Variants in COL14A1 observed in about 807,000 individuals in gnomAD.
COL14A1 encodes the protein collagen type XIV alpha 1 chain.
Under a neutral mutation model 230.3 loss-of-function variants are expected in COL14A1, and 136 were observed. The ratio of observed to expected loss-of-function variants is 0.59; its 90% CI spans 0.51 to 0.68. The LOEUF (loss-of-function observed/expected upper bound fraction) is 0.68, where lower values mean the gene tolerates loss of function less well. Among genes scored for constraint, COL14A1 ranks in the 30% least tolerant of loss-of-function variants. COL14A1 has a pLI of 0.00. For missense variants in COL14A1, 1,976 were observed against 2,215.8 expected (o/e 0.89, Z 2.17); for synonymous variants, 792 against 784.1 (o/e 1.01, Z -0.17).
At chr8:120,368,069 T>C (rs1049729720) in intron 46 of COL14A1, among the ~76,000 whole-genome samples, 1 of 152,130 alleles carries the variant, frequency 6.6e-6, no homozygotes, top group African/African-American at 2.4e-5. Flanking sequence ...AGACACAAAA[T>C]TTAGAGAAAT....
chr8:120,324,717 C>T lies in COL14A1; in HGVS notation c.4660-7424C>T, dbSNP rs571265327. On this transcript the variant is annotated intron_variant, in intron 40 of 47. Coordinates refer to ENST00000297848, the MANE Select transcript of COL14A1 (RefSeq NM_021110.4). The stretch of plus-strand genomic sequence containing the variant: ...CAGTTGAATAACCTTAACAATTGGC[C>T]GGAATCTTAAGGTTAGTATCATGAC... Among the ~76,000 whole-genome samples, 74 of 152,148 alleles carry T rather than the reference C, an allele frequency of 4.9e-4. 2 individuals carry two copies. The South Asian group carries it at 0.015, about 30-fold the overall frequency.
chr8:120,370,041 T>TATC (rs1823534876), intron 47 of COL14A1, among the ~76,000 whole-genome samples: 1 of 152,206 alleles, frequency 6.6e-6, no homozygotes, highest in Admixed American at 6.5e-5. Context: ...GTCCTTGTCT[T>TATC]ATCACTAGCT....
chr8:120,353,686 A>T (rs1210927351), intron 45 of COL14A1, among the ~76,000 whole-genome samples: 1 of 149,924 alleles, frequency 6.7e-6, no homozygotes, highest in Non-Finnish European at 1.5e-5. Flanking sequence ...CAAAACCACA[A>T]TGAGATACCA....
intron 5 of COL14A1, among the ~76,000 whole-genome samples, chr8:120,193,118 C>T (rs905466847): frequency 1.4e-4 from 21 of 152,276 alleles, no homozygotes; most frequent in Admixed American, 3.3e-4. Flanking sequence ...GGAGGATAGG[C>T]GCTCTGCTTT....
At chr8:120,279,908 C>T (rs112169464) in intron 28 of COL14A1, 27 bp from the exon 29 acceptor site, 32 of 1,607,314 alleles carry the variant, frequency 2.0e-5, no homozygotes, top group African/African-American at 1.6e-4. Context: ...TTAAAGTAAT[C>T]GGAAATCTGT....
At chr8:120,336,378 GA>G (rs1278552252) in intron 42 of COL14A1, among the ~76,000 whole-genome samples, 1 of 152,124 alleles carries the variant, frequency 6.6e-6, no homozygotes, top group African/African-American at 2.4e-5. Context: ...GGCAGTTGCA[GA>G]AAAACATAAG....
intron 40 of COL14A1, among the ~76,000 whole-genome samples, chr8:120,320,852 T>C (rs535643336): frequency 1.8e-4 from 27 of 152,318 alleles, no homozygotes; most frequent in African/African-American, 6.5e-4. Context: ...TCATTACTTA[T>C]TGAATATGTG....
intron 47 of COL14A1, chr8:120,370,220 C>T: frequency 9.3e-7 from 1 of 1,074,134 alleles, no homozygotes; most frequent in Non-Finnish European, 1.4e-6. Context: ...TTTTCTGCTT[C>T]AGTAGAAATT....
In COL14A1 at chr8:120,211,826, A is replaced by G. The variant is rs571764147; in HGVS notation, c.1468-622A>G. On this transcript the variant is annotated intron_variant, in intron 12 of 47. Transcript: ENST00000297848. ...TCACTCTACTGTCACACAACTGAGA[A>G]TGTTGGATAGTTTGAATCCAAGGGT... 6.6e-5 allele frequency among the ~76,000 whole-genome samples: 10 copies of G among 152,340 alleles called. No homozygotes were observed. The South Asian group carries it at 1.9e-3, about 28-fold the overall frequency.
chr8:120,166,900 G>GTGTGTA (rs1815902353), intron 4 of COL14A1, among the ~76,000 whole-genome samples: 2 of 149,644 alleles, frequency 1.3e-5, no homozygotes, highest in Non-Finnish European at 3.0e-5. Context: ...GTGTGTGTGT[G>GTGTGTA]TGTGTGTGTG....
chr8:120,217,687 T>C (rs888170891), intron 14 of COL14A1, among the ~76,000 whole-genome samples: 5 of 152,080 alleles, frequency 3.3e-5, no homozygotes, highest in African/African-American at 9.7e-5. Flanking sequence ...CTGAAGAGTC[T>C]GGTCATTTGG....
Position 120,227,352 on chromosome 8 carries a change from C to A in COL14A1, c.2137C>A (p.Leu713Ile). The change falls in exon 17 of 48, where the codon CTT (leucine) becomes ATT (isoleucine). Residue 713 changes from leucine (L) to isoleucine (I), a missense_variant and splice_region_variant. Around this residue, in one of 3 missense-constraint regions of COL14A1, gnomAD observed 1,791 missense variants for 2,019.5 expected, o/e 0.89. Coordinates refer to ENST00000297848, the MANE Select transcript of COL14A1 (RefSeq NM_021110.4). ...GGTGGTGACTGCTGTCGGGACCACACGTAAGTCTTGGTCTGGCCACAGTGC... is the reference window on the plus strand; with the variant it reads ...GGTGGTGACTGCTGTCGGGACCACAAGTAAGTCTTGGTCTGGCCACAGTGC... ...SEVVTAVGTT[L>I]DSFWTEPATT... 1 of 1,613,404 alleles carries A rather than the reference C, an allele frequency of 6.2e-7. No individual in the cohort carries two copies. The highest frequency in any genetic ancestry group is 2.2e-5 in the East Asian group (1 of 44,870).
chr8:120,337,164 G>T (rs1182389534), intron 42 of COL14A1, among the ~76,000 whole-genome samples: 1 of 152,184 alleles, frequency 6.6e-6, no homozygotes, highest in East Asian at 1.9e-4. Context: ...GCCAAGGCAG[G>T]TGAATCACCT....
chr8:120,296,931 A>G (rs1820547492), intron 34 of COL14A1, among the ~76,000 whole-genome samples: 1 of 152,038 alleles, frequency 6.6e-6, no homozygotes, highest in Non-Finnish European at 1.5e-5. Flanking sequence ...CTTCTAGGTC[A>G]GGACTATGAT....
chr8:120,289,630 C>G lies in COL14A1; in HGVS notation c.4100C>G (p.Thr1367Ser), dbSNP rs774098509. 2.8e-5 allele frequency: 45 copies of G among 1,613,790 alleles called. No homozygotes were observed. Among genetic ancestry groups the G allele is most frequent in the Non-Finnish European group, 3.5e-5 (41 of 1,179,918 alleles). Residue 1367 changes from threonine (T) to serine (S), a missense_variant, in exon 34 of 48, where the codon ACT (threonine) becomes AGT (serine). Around this residue, in one of 3 missense-constraint regions of COL14A1, gnomAD observed 1,791 missense variants for 2,019.5 expected, o/e 0.89. Coordinates refer to ENST00000297848, the MANE Select transcript of COL14A1 (RefSeq NM_021110.4). ...TAGCTACACATTGTTGTCAGTGAGA[C>G]TTTGGTCAAAGTGGTTATTGACTGC... ...FHKLHIVVSETLVKVVIDCKQ... is the reference protein window; with the variant it reads ...FHKLHIVVSESLVKVVIDCKQ...
At chr8:120,214,910 C>G (rs1032881667) in intron 13 of COL14A1, among the ~76,000 whole-genome samples, 1 of 152,080 alleles carries the variant, frequency 6.6e-6, no homozygotes, top group African/African-American at 2.4e-5. Flanking sequence ...ACTGGCTATG[C>G]GTATATCTAG....
At chr8:120,201,858 C>G (rs1255820783) in intron 8 of COL14A1, among the ~76,000 whole-genome samples, 1 of 152,120 alleles carries the variant, frequency 6.6e-6, no homozygotes, top group African/African-American at 2.4e-5. Context: ...CATTTCCTCT[C>G]TTTTCTGTGC....
At chr8:120,174,662 T>C (rs1816215694) in intron 5 of COL14A1, among the ~76,000 whole-genome samples, 2 of 152,174 alleles carry the variant, frequency 1.3e-5, no homozygotes, top group South Asian at 4.1e-4. Flanking sequence ...ATTGTAGTGA[T>C]GAGAACTTGG....
intron 34 of COL14A1, among the ~76,000 whole-genome samples, chr8:120,293,777 GA>G (rs1820443085): frequency 6.6e-6 from 1 of 151,822 alleles, no homozygotes; most frequent in Non-Finnish European, 1.5e-5. Flanking sequence ...ACCATTATTT[GA>G]ATTACAACCT....
Sources: allele counts gnomAD v4.1 joint callset (sites outside exome capture counted in the v4.1 genomes callset), GRCh38; gene constraint gnomAD v4.1.1; regional missense constraint gnomAD v4.1.1; transcripts MANE v1.5; gene names NCBI Gene and HGNC (gene_info 2026-07-23, HGNC 2026-07-21).